BAZ2B: variants seen among roughly 807,000 people sequenced by gnomAD.
The protein encoded by BAZ2B is bromodomain adjacent to zinc finger domain protein 2B.
A neutral mutation model predicts 246.0 loss-of-function variants in BAZ2B; 91 were observed. The ratio of observed to expected loss-of-function variants is 0.37; its 90% CI spans 0.31 to 0.44. BAZ2B has a LOEUF of 0.44. Ranked by LOEUF, BAZ2B falls within the 20% of genes least tolerant of loss-of-function variation. The probability of loss-of-function intolerance (pLI) is 1.00; values close to 1 mark genes in which losing one functional copy is unlikely to be tolerated. For synonymous variants in BAZ2B, 855 were observed against 860.0 expected, an observed-to-expected ratio of 0.99 and a Z score of 0.10; for missense variants, 2,332 against 2,533.7, an observed-to-expected ratio of 0.92 and a Z score of 1.71.
At chr2:159,559,778 T>C (rs1047894015) in intron 1 of BAZ2B, among the ~76,000 whole-genome samples, 1 of 152,190 alleles carries the variant, frequency 6.6e-6, no homozygotes, top group South Asian at 2.1e-4. Flanking sequence ...AAGCAAAAGG[T>C]AATTCTTTCA....
the BAZ2B span, among the ~76,000 whole-genome samples, chr2:159,707,127 T>C: frequency 1.3e-5 from 2 of 152,130 alleles, no homozygotes; most frequent in Non-Finnish European, 2.9e-5. Context: ...TGCACAACAA[T>C]AGACAATACA....
At chr2:159,686,769 G>A in the BAZ2B span, among the ~76,000 whole-genome samples, 5 of 152,236 alleles carry the variant, frequency 3.3e-5, no homozygotes, top group East Asian at 1.9e-4. Flanking sequence ...TAGGCCAGGC[G>A]TGGTGGCTCA....
intron 31 of BAZ2B, among the ~76,000 whole-genome samples, chr2:159,343,501 G>T (rs1177353093): frequency 2.0e-5 from 3 of 152,102 alleles, no homozygotes; most frequent in Non-Finnish European, 4.4e-5. Context: ...TAATACATCT[G>T]AAAGGAGATT....
intron 3 of BAZ2B, chr2:159,461,461 T>C (rs1405745995): frequency 1.3e-5 from 2 of 152,630 alleles, no homozygotes. Flanking sequence ...AGAAAGATAC[T>C]GCCTGGAAGT....
At chr2:159,538,059 C>T (rs889510055) in intron 2 of BAZ2B, among the ~76,000 whole-genome samples, 18 of 152,194 alleles carry the variant, frequency 1.2e-4, no homozygotes, top group African/African-American at 3.9e-4. Context: ...TGCAGTGGCC[C>T]GATCTTGGCT....
At chr2:159,437,022 T>C (rs1348865295) in intron 8 of BAZ2B, among the ~76,000 whole-genome samples, 4 of 152,214 alleles carry the variant, frequency 2.6e-5, no homozygotes, top group African/African-American at 9.6e-5. Context: ...TGTCTAATTT[T>C]ATCATCTGTA....
chr2:159,620,248 G>A (rs974908009), upstream of BAZ2B, among the ~76,000 whole-genome samples: 1 of 152,182 alleles, frequency 6.6e-6, no homozygotes, highest in Non-Finnish European at 1.5e-5. Context: ...AAAAACAAAC[G>A]AGAGATCTCA....
At chr2:159,538,112 T>C (rs1166314765) in intron 2 of BAZ2B, among the ~76,000 whole-genome samples, 3 of 152,198 alleles carry the variant, frequency 2.0e-5, no homozygotes, top group Non-Finnish European at 4.4e-5. Flanking sequence ...TCCTCCCACC[T>C]CAGCCTCTCT....
At chr2:159,578,662 C>G (rs771032163) in intron 1 of BAZ2B, among the ~76,000 whole-genome samples, 10 of 152,100 alleles carry the variant, frequency 6.6e-5, no homozygotes, top group Admixed American at 6.6e-5. Flanking sequence ...CAAAATTGAC[C>G]ACACAGTTGG....
intron 1 of BAZ2B, among the ~76,000 whole-genome samples, chr2:159,608,694 TTAAC>T (rs1210404501): frequency 2.0e-5 from 3 of 152,218 alleles, no homozygotes; most frequent in Non-Finnish European, 2.9e-5. Flanking sequence ...TAATGGAAAG[TTAAC>T]TAATTATAGT....
At chr2:159,629,063 A>T in the BAZ2B span, among the ~76,000 whole-genome samples, 1 of 152,266 alleles carries the variant, frequency 6.6e-6, no homozygotes, top group South Asian at 2.1e-4. Flanking sequence ...GCAAACAAAC[A>T]TATGAAAAAA....
intron 2 of BAZ2B, among the ~76,000 whole-genome samples, chr2:159,490,081 TA>T (rs2080275003): frequency 6.6e-6 from 1 of 152,248 alleles, no homozygotes; most frequent in African/African-American, 2.4e-5. Context: ...CTTATAATGT[TA>T]ATTTTTTCCT....
upstream of BAZ2B, among the ~76,000 whole-genome samples, chr2:159,621,014 A>G (rs1214208399): frequency 6.6e-6 from 1 of 152,240 alleles, no homozygotes; most frequent in Non-Finnish European, 1.5e-5. Context: ...TTTCTGAGGT[A>G]AAATTTCAGT....
intron 2 of BAZ2B, among the ~76,000 whole-genome samples, chr2:159,552,108 G>T (rs547160126): frequency 1.3e-5 from 2 of 152,054 alleles, no homozygotes; most frequent in African/African-American, 4.8e-5. Flanking sequence ...TGGTTTTCTC[G>T]CCCATTACCT....
chr2:159,358,576 C>T (rs1371059923), intron 27 of BAZ2B, among the ~76,000 whole-genome samples: 4 of 152,042 alleles, frequency 2.6e-5, no homozygotes, highest in African/African-American at 9.7e-5. Flanking sequence ...GTAACAAGAA[C>T]ATTCAGGATT....
chr2:159,607,994 A>G (rs1369187363), intron 1 of BAZ2B, among the ~76,000 whole-genome samples: 3 of 152,216 alleles, frequency 2.0e-5, no homozygotes, highest in Non-Finnish European at 4.4e-5. Flanking sequence ...AATATGTGCA[A>G]TTCTGTGGTG....
At chr2:159,556,936 A>G (rs1405615686) in intron 1 of BAZ2B, among the ~76,000 whole-genome samples, 1 of 152,184 alleles carries the variant, frequency 6.6e-6, no homozygotes, top group Non-Finnish European at 1.5e-5. Context: ...TCCTTATTAT[A>G]GACTCCAGGA....
chr2:159,598,035 C>T (rs910371570), intron 1 of BAZ2B, among the ~76,000 whole-genome samples: 1 of 150,572 alleles, frequency 6.6e-6, no homozygotes, highest in Admixed American at 6.6e-5. Context: ...CGCTCTGTCA[C>T]CTAGGCTGGA....
At chr2:159,546,713 A>T (rs779851136) in intron 2 of BAZ2B, among the ~76,000 whole-genome samples, 2 of 151,792 alleles carry the variant, frequency 1.3e-5, no homozygotes, top group Non-Finnish European at 2.9e-5. Context: ...ATACCACATG[A>T]TCTAAGAATA....
Sources: allele counts gnomAD v4.1 joint callset (sites outside exome capture counted in the v4.1 genomes callset), GRCh38; gene constraint gnomAD v4.1.1; transcripts MANE v1.5; gene names NCBI Gene and HGNC (gene_info 2026-07-23, HGNC 2026-07-21).